The following AFDN variants were observed in gnomAD, a reference collection of about 807,000 sequenced individuals.
AFDN encodes the protein afadin, adherens junction formation factor.
AFDN carries 68 observed loss-of-function variants against 216.6 expected under a neutral mutation model. The observed-to-expected ratio is 0.31, with a 90% CI of 0.26 to 0.38. The LOEUF is 0.38. AFDN is among the 10% of genes least tolerant of loss of function. The probability of loss-of-function intolerance (pLI) is 1.00; values close to 1 mark genes in which losing one functional copy is unlikely to be tolerated. For synonymous variants in AFDN, 868 were observed against 853.7 expected (o/e 1.02, Z -0.29); for missense variants, 2,136 against 2,342.0 (o/e 0.91, Z 1.82).
intron 1 of AFDN, among the ~76,000 whole-genome samples, chr6:167,855,499 G>C (rs1431109985): frequency 6.6e-6 from 1 of 152,098 alleles, no homozygotes; most frequent in African/African-American, 2.4e-5. Context: ...TTAAGTCTTT[G>C]TGAATTGAAC....
rs929895200 is a variant in AFDN, at chr6:167,915,258, T to C, written c.2390T>C (p.Leu797Pro). Residue 797 changes from leucine to proline, a missense_variant, in exon 19 of 34, where the codon CTC becomes CCC. Coordinates refer to ENST00000683244, the MANE Select transcript of AFDN (RefSeq NM_001386888.1). ...CTGACCATCCAGCTCTTCTCTCAGC[T>C]CTTCCACTTCATCAATATGTGGCTG... ...AALTIQLFSQ[L>P]FHFINMWLFN... 1 of 1,614,244 alleles carries C rather than the reference T, an allele frequency of 6.2e-7. No individual in the cohort carries two copies.
At chr6:167,845,668 G>C (rs1781588064) in intron 1 of AFDN, among the ~76,000 whole-genome samples, 1 of 152,118 alleles carries the variant, frequency 6.6e-6, no homozygotes, top group African/African-American at 2.4e-5. Flanking sequence ...GAGCCACCAC[G>C]CCTGGCCTAA....
chr6:167,836,322 G>A (rs1282224151), intron 1 of AFDN, among the ~76,000 whole-genome samples: 1 of 152,158 alleles, frequency 6.6e-6, no homozygotes, highest in African/African-American at 2.4e-5. Context: ...GCACTTGTCT[G>A]CCCCTTCAGT....
chr6:167,958,790 T>G (rs184145402), intron 30 of AFDN, among the ~76,000 whole-genome samples: 1 of 152,322 alleles, frequency 6.6e-6, no homozygotes, highest in Admixed American at 6.5e-5. Context: ...ATTAAAAGCC[T>G]TATAAAAATT....
At chr6:167,902,482 G>A in intron 12 of AFDN, 96 bp downstream of exon 12, 1 of 902,708 alleles carries the variant, frequency 1.1e-6, no homozygotes, top group African/African-American at 1.6e-5. Flanking sequence ...CTTATTTGTG[G>A]GGGATGTGTT....
At chr6:167,891,488 A>G (rs1787605546) in intron 8 of AFDN, among the ~76,000 whole-genome samples, 1 of 150,570 alleles carries the variant, frequency 6.6e-6, no homozygotes, top group South Asian at 2.1e-4. Context: ...GTCTAAAAAG[A>G]ATATCTTTAA....
intron 30 of AFDN, among the ~76,000 whole-genome samples, chr6:167,955,824 T>C (rs973146717): frequency 6.6e-6 from 1 of 152,144 alleles, no homozygotes; most frequent in Admixed American, 6.5e-5. Flanking sequence ...TCATTATTTA[T>C]AAAATTCTTG....
At chr6:167,835,442 C>A (rs964330541) in intron 1 of AFDN, among the ~76,000 whole-genome samples, 1 of 151,558 alleles carries the variant, frequency 6.6e-6, no homozygotes, top group Non-Finnish European at 1.5e-5. Context: ...TGCTCATATA[C>A]TTTTTTTTTG....
chr6:167,886,493 G>C (rs1296215877), intron 6 of AFDN, among the ~76,000 whole-genome samples: 1 of 152,140 alleles, frequency 6.6e-6, no homozygotes, highest in African/African-American at 2.4e-5. Flanking sequence ...GGGTGTTGTG[G>C]TGTGTTGCCC....
At chr6:167,901,716 A>G (rs533633859) in intron 11 of AFDN, among the ~76,000 whole-genome samples, 3 of 152,066 alleles carry the variant, frequency 2.0e-5, no homozygotes, top group South Asian at 4.2e-4. Context: ...CACCTCATTT[A>G]TATGCCATTT....
intron 8 of AFDN, 34 bp downstream of exon 8, chr6:167,891,063 A>T: frequency 6.9e-7 from 1 of 1,458,230 alleles, no homozygotes; most frequent in Non-Finnish European, 9.1e-7. Flanking sequence ...ACACATTATT[A>T]ATGTGCATTT....
chr6:167,919,690 A>G (rs1791539089), intron 21 of AFDN, among the ~76,000 whole-genome samples: 1 of 152,244 alleles, frequency 6.6e-6, no homozygotes, highest in Admixed American at 6.5e-5. Context: ...CACTTTTACT[A>G]CATTTTCTTG....
At chr6:167,943,631 A>T (rs979932281) in intron 25 of AFDN, among the ~76,000 whole-genome samples, 156 bp downstream of exon 25, 3 of 152,240 alleles carry the variant, frequency 2.0e-5, no homozygotes, top group Non-Finnish European at 4.4e-5. Flanking sequence ...TTATCAAATT[A>T]TAAATATATA....
At chr6:167,950,977 G>A (rs1407711088) in intron 29 of AFDN, among the ~76,000 whole-genome samples, 2 of 151,626 alleles carry the variant, frequency 1.3e-5, no homozygotes, top group South Asian at 2.1e-4. Context: ...GATTATAGGC[G>A]TGAGCCACCA....
At chr6:167,966,980 T>C (rs188046251) in intron 32 of AFDN, among the ~76,000 whole-genome samples, 1 of 152,344 alleles carries the variant, frequency 6.6e-6, no homozygotes, top group Non-Finnish European at 1.5e-5. Flanking sequence ...CAGCTGCCGT[T>C]AGGGAAACCC....
intron 4 of AFDN, among the ~76,000 whole-genome samples, chr6:167,874,984 G>A (rs1411025540): frequency 6.6e-6 from 1 of 152,124 alleles, no homozygotes; most frequent in Non-Finnish European, 1.5e-5. Context: ...CTTTCTTGTG[G>A]TTGGAAGGTC....
chr6:167,898,831 A>G (rs558090910), intron 11 of AFDN, among the ~76,000 whole-genome samples: 2 of 152,336 alleles, frequency 1.3e-5, no homozygotes, highest in African/African-American at 4.8e-5. Flanking sequence ...GTGACTGATA[A>G]TGAAACACAT....
intron 4 of AFDN, among the ~76,000 whole-genome samples, chr6:167,872,687 TTCC>T (rs1441225578): frequency 6.6e-6 from 1 of 152,212 alleles, no homozygotes; most frequent in Non-Finnish European, 1.5e-5. Context: ...GCTGGGTTTT[TTCC>T]TCATTTCTGT....
Position 167,872,277 on chromosome 6 carries a change from A to G in AFDN, c.478A>G (p.Thr160Ala). ...AGGGGTTATCCAGAACTTCAAGAGA[A>G]CTCTCTCAAAGAAAGAAAAGAAGGA... ...KEGVIQNFKR[T>A]LSKKEKKEKK... Residue 160 changes from threonine to alanine, a missense_variant, in exon 4 of 34, where the codon ACT (threonine) becomes GCT (alanine). Physicochemically the swap from Thr to Ala is moderately conservative, Grantham distance 58. Around this residue, in one of 8 missense-constraint regions of AFDN, gnomAD observed 817 missense variants for 965.7 expected, o/e 0.85. Coordinates refer to ENST00000683244, the MANE Select transcript of AFDN (RefSeq NM_001386888.1). The G allele has an allele frequency of 1.2e-6, 2 of 1,613,876 alleles. No individual in the cohort carries two copies. The highest frequency in any genetic ancestry group is 1.7e-6 in the Non-Finnish European group (2 of 1,179,896).
Sources: allele counts gnomAD v4.1 joint callset (sites outside exome capture counted in the v4.1 genomes callset), GRCh38; gene constraint gnomAD v4.1.1; regional missense constraint gnomAD v4.1.1; transcripts MANE v1.5; gene names NCBI Gene and HGNC (gene_info 2026-07-23, HGNC 2026-07-21).